Variants in SAV1 observed in about 807,000 individuals in gnomAD.
SAV1 encodes salvador family WW domain containing protein 1, also known as protein salvador homolog 1.
In SAV1, 23 loss-of-function variants were observed where a neutral mutation model predicts 47.3. The ratio of observed to expected loss-of-function variants is 0.49; its 90% confidence interval spans 0.35 to 0.69. The LOEUF (loss-of-function observed/expected upper bound fraction) is 0.69. Among genes scored for constraint, SAV1 ranks in the 30% least tolerant of loss-of-function variants. SAV1 has a pLI of 0.01. For synonymous variants in SAV1, 155 were observed against 159.2 expected, an observed-to-expected ratio of 0.97 and a Z score of 0.20; for missense variants, 448 against 457.4, an observed-to-expected ratio of 0.98 and a Z score of 0.19.
At chr14:50,654,721 C>T (rs2039798076) in intron 2 of SAV1, among the ~76,000 whole-genome samples, 1 of 152,174 alleles carries the variant, frequency 6.6e-6, no homozygotes, top group Non-Finnish European at 1.5e-5. Flanking sequence ...TGTAATAGTG[C>T]TAGCCAATGA....
chr14:50,638,581 TC>T (rs1474897069), intron 4 of SAV1, among the ~76,000 whole-genome samples: 1 of 152,012 alleles, frequency 6.6e-6, no homozygotes, highest in African/African-American at 2.4e-5. Flanking sequence ...CTGTGTCCAC[TC>T]CTCCCTCTTT....
chr14:50,663,490 CT>C (rs1262072405), intron 2 of SAV1, among the ~76,000 whole-genome samples: 4 of 152,182 alleles, frequency 2.6e-5, no homozygotes, highest in African/African-American at 7.2e-5. Flanking sequence ...CTAAAAGGTG[CT>C]TTTACCCATG....
intron 2 of SAV1, 73 bp downstream of exon 2, chr14:50,665,106 C>A: frequency 6.8e-7 from 1 of 1,462,148 alleles, no homozygotes. Context: ...CCAAGAAAAT[C>A]TAGAAAAGAA....
intron 2 of SAV1, among the ~76,000 whole-genome samples, chr14:50,655,278 A>G (rs972715416): frequency 4.6e-5 from 7 of 152,220 alleles, no homozygotes; most frequent in Non-Finnish European, 7.3e-5. Context: ...AAGCATAACA[A>G]TGTAACAATT....
chr14:50,668,054 G>A lies in SAV1; in HGVS notation c.-87C>T. ...GGCCGTCTCCGCCGCCACCTCCGCC[G>A]GCGCCGCCGCCTCCTTCCCTCCCGA... On this transcript the variant is annotated 5_prime_UTR_variant, in exon 1 of 5. Transcript: ENST00000324679. The A allele has an allele frequency of 9.2e-6, 9 of 973,280 alleles. No individual in the cohort carries two copies. Among genetic ancestry groups the A allele is most frequent in the Admixed American group, 4.0e-5 (1 of 24,916 alleles). 60.3% of individuals were successfully genotyped at this position (973,280 alleles called of 1,614,324 possible). A position where few individuals can be genotyped will look rare whatever the true frequency, so the allele number is the denominator to read the frequency against.
rs760810493 is a variant in SAV1, at chr14:50,645,019, G to A, written c.536-5C>T. On this transcript the variant is annotated splice_polypyrimidine_tract_variant and splice_region_variant and intron_variant, in intron 2 of 4. Coordinates refer to ENST00000324679, the MANE Select transcript of SAV1 (RefSeq NM_021818.4). The stretch of plus-strand genomic sequence containing the variant: ...TAGCAGCAACTCTCCCAATACCTAC[G>A]GGGAAAGAGAAAATGATAGAGAAGA... The A allele has an allele frequency of 2.7e-5, 43 of 1,599,326 alleles. 1 individual carries two copies. The South Asian group carries it at 2.9e-4, about 11-fold the overall frequency.
At position 50,634,092 on chromosome 14, in the gene SAV1, G is replaced by T; in HGVS notation, c.*1091C>A. On this transcript the variant is annotated 3_prime_UTR_variant, in exon 5 of 5. Coordinates refer to ENST00000324679, the MANE Select transcript of SAV1 (RefSeq NM_021818.4). ...TTGTCATTTTTGGTAGCTTAACCCAGTCTGTCAGAAGGCAGTATGCTATGC... is the reference window on the plus strand; with the variant it reads ...TTGTCATTTTTGGTAGCTTAACCCATTCTGTCAGAAGGCAGTATGCTATGC... 1 of 386,804 alleles carries T rather than the reference G, an allele frequency of 2.6e-6. No homozygotes were observed. Among genetic ancestry groups the T allele is most frequent in the South Asian group, 1.9e-5 (1 of 52,880 alleles). The allele number at this position is 386,804 out of a possible 1,614,324, so 24.0% of individuals were successfully genotyped here.
intron 2 of SAV1, among the ~76,000 whole-genome samples, chr14:50,646,514 C>T (rs541714496): frequency 5.3e-5 from 8 of 152,068 alleles, no homozygotes; most frequent in Non-Finnish European, 1.2e-4. Flanking sequence ...GGTGAAACCC[C>T]GTCTCTATTA....
intron 4 of SAV1, among the ~76,000 whole-genome samples, chr14:50,639,863 A>G (rs2039667400): frequency 6.6e-6 from 1 of 152,216 alleles, no homozygotes; most frequent in African/African-American, 2.4e-5. Context: ...ACGCATACAG[A>G]TATTATGTAC....
At chr14:50,658,326 C>T (rs1289816278) in intron 2 of SAV1, among the ~76,000 whole-genome samples, 1 of 152,220 alleles carries the variant, frequency 6.6e-6, no homozygotes, top group East Asian at 1.9e-4. Flanking sequence ...AAAATTTAAG[C>T]GCAAAACAAA....
intron 3 of SAV1, among the ~76,000 whole-genome samples, 178 bp downstream of exon 3, chr14:50,644,566 T>C (rs2039704878): frequency 6.6e-6 from 1 of 152,148 alleles, no homozygotes; most frequent in Admixed American, 6.6e-5. Context: ...AGTATTTTTT[T>C]AACTTATTAA....
chr14:50,655,383 A>G (rs1354550884), intron 2 of SAV1, among the ~76,000 whole-genome samples: 5 of 152,062 alleles, frequency 3.3e-5, no homozygotes, highest in Admixed American at 3.3e-4. Context: ...GAAATATATA[A>G]TAGAAACAAA....
chr14:50,640,400 G>A (rs747370580), intron 4 of SAV1, among the ~76,000 whole-genome samples: 6 of 152,176 alleles, frequency 3.9e-5, no homozygotes, highest in Admixed American at 1.3e-4. Context: ...GATTACAGGT[G>A]TGAGCCACTG....
intron 2 of SAV1, among the ~76,000 whole-genome samples, chr14:50,653,636 C>T (rs971158574): frequency 2.0e-5 from 3 of 151,996 alleles, no homozygotes; most frequent in African/African-American, 4.8e-5. Flanking sequence ...TTTGGGAGGC[C>T]GAGGCAGGTG....
At chr14:50,651,173 C>T (rs1335123289) in intron 2 of SAV1, among the ~76,000 whole-genome samples, 1 of 152,146 alleles carries the variant, frequency 6.6e-6, no homozygotes, top group Non-Finnish European at 1.5e-5. Flanking sequence ...TCCTGAACCA[C>T]AGAAACTGAG....
At chr14:50,657,024 CTTTTTT>C (rs3080610) in intron 2 of SAV1, among the ~76,000 whole-genome samples, 4 of 122,250 alleles carry the variant, frequency 3.3e-5, no homozygotes, top group African/African-American at 6.2e-5. Context: ...AAAACACTCA[CTTTTTT>C]TTTTTTTTTT....
intron 2 of SAV1, among the ~76,000 whole-genome samples, chr14:50,661,100 T>G (rs1386340695): frequency 6.6e-6 from 1 of 152,226 alleles, no homozygotes; most frequent in African/African-American, 2.4e-5. Context: ...ACAGTTGCCT[T>G]TTCTTCACAC....
chr14:50,641,964 C>T (rs1048077401), intron 3 of SAV1, among the ~76,000 whole-genome samples: 1 of 152,130 alleles, frequency 6.6e-6, no homozygotes, highest in Non-Finnish European at 1.5e-5. Flanking sequence ...AACCTAAATG[C>T]CCATCAATGG....
chr14:50,648,195 T>C (rs185977042), intron 2 of SAV1, among the ~76,000 whole-genome samples: 4 of 152,174 alleles, frequency 2.6e-5, no homozygotes, highest in Admixed American at 1.3e-4. Context: ...CAGTCTCAAG[T>C]GGCTACAAAT....
Sources: gnomAD v4.1 joint callset for allele counts (sites outside exome capture counted in the v4.1 genomes callset) on GRCh38, gnomAD v4.1.1 for gene constraint, MANE v1.5 for transcripts, NCBI Gene and HGNC (gene_info 2026-07-23, HGNC 2026-07-21) for gene names.